Variants in DYM observed in about 807,000 individuals in gnomAD.
The protein encoded by DYM is dyggve-Melchior-Clausen syndrome protein.
A neutral mutation model predicts 93.1 loss-of-function variants in DYM; 78 were observed. The observed-to-expected ratio is 0.84, with a 90% CI of 0.70 to 1.01. The LOEUF (loss-of-function observed/expected upper bound fraction) is 1.01, where lower values mean the gene tolerates loss of function less well. DYM is among the 50% of genes least tolerant of loss of function. The pLI, the probability that DYM is intolerant of heterozygous loss-of-function variation, is 0.00. For missense variants in DYM, 789 were observed against 845.0 expected, an observed-to-expected ratio of 0.93 and a Z score of 0.82; for synonymous variants, 321 against 319.7, an observed-to-expected ratio of 1.00 and a Z score of -0.04.
chr18:49,149,739 G>A (rs925149152), intron 15 of DYM, among the ~76,000 whole-genome samples: 3 of 113,870 alleles, frequency 2.6e-5, no homozygotes, highest in African/African-American at 3.5e-5. Context: ...ATGGAATCTC[G>A]CTCTGTCACC....
At chr18:49,074,575 T>A (rs113534683) in intron 17 of DYM, among the ~76,000 whole-genome samples, 3,839 of 152,262 alleles carry the variant, frequency 0.025, 58 homozygotes, top group South Asian at 0.066. Context: ...TAAGCCAAAC[T>A]GGAAAAATCA....
chr18:49,374,659 A>T (rs1406138212), intron 5 of DYM, among the ~76,000 whole-genome samples: 2 of 152,172 alleles, frequency 1.3e-5, no homozygotes, highest in African/African-American at 4.8e-5. Context: ...GGTAGCTTCA[A>T]TAAAATTTGG....
At chr18:49,302,779 T>C (rs2061020727) in intron 8 of DYM, among the ~76,000 whole-genome samples, 1 of 152,202 alleles carries the variant, frequency 6.6e-6, no homozygotes, top group African/African-American at 2.4e-5. Flanking sequence ...CTTACTCACA[T>C]AACAGAATGC....
At chr18:49,284,500 A>C (rs900160409) in intron 9 of DYM, among the ~76,000 whole-genome samples, 2 of 152,182 alleles carry the variant, frequency 1.3e-5, no homozygotes, top group African/African-American at 2.4e-5. Flanking sequence ...AGTAGATACC[A>C]TATACTGAAT....
chr18:49,346,320 T>C (rs766888174), intron 6 of DYM, among the ~76,000 whole-genome samples: 2 of 152,184 alleles, frequency 1.3e-5, no homozygotes, highest in African/African-American at 2.4e-5. Context: ...TGGTACATAT[T>C]ATATAACATG....
chr18:49,318,634 G>A (rs1599387676), intron 8 of DYM, among the ~76,000 whole-genome samples: 1 of 151,800 alleles, frequency 6.6e-6, no homozygotes, highest in South Asian at 2.1e-4. Flanking sequence ...ACAAAAAAGA[G>A]AGAGAGAGAG....
intron 17 of DYM, among the ~76,000 whole-genome samples, chr18:49,080,105 CG>C (rs1227426790): frequency 4.7e-4 from 30 of 63,252 alleles, no homozygotes; most frequent in East Asian, 2.5e-3. Context: ...GCTGGCCGGG[CG>C]GGGGGCTGAC....
At chr18:49,336,143 T>C (rs1280418647) in intron 6 of DYM, among the ~76,000 whole-genome samples, 4 of 152,190 alleles carry the variant, frequency 2.6e-5, no homozygotes, top group African/African-American at 9.6e-5. Flanking sequence ...GCATCAATAA[T>C]AAAGAATCAG....
chr18:49,415,353 T>G (rs1301199506), intron 2 of DYM, among the ~76,000 whole-genome samples: 21 of 149,734 alleles, frequency 1.4e-4, no homozygotes, highest in Non-Finnish European at 2.2e-4. Flanking sequence ...TTAAAAAAAT[T>G]TTAAAAATGA....
chr18:49,216,574 G>T (rs1349396171), intron 13 of DYM, among the ~76,000 whole-genome samples: 1 of 152,170 alleles, frequency 6.6e-6, no homozygotes, highest in African/African-American at 2.4e-5. Flanking sequence ...GGAACGATCA[G>T]ACAGCAGCAT....
At chr18:49,201,397 C>G (rs886424001) in intron 14 of DYM, among the ~76,000 whole-genome samples, 2 of 151,902 alleles carry the variant, frequency 1.3e-5, no homozygotes, top group African/African-American at 4.8e-5. Context: ...ATGTGTTGGT[C>G]TATTACCTAA....
At chr18:49,099,203 A>T (rs2079869745) in intron 16 of DYM, among the ~76,000 whole-genome samples, 1 of 151,026 alleles carries the variant, frequency 6.6e-6, no homozygotes, top group South Asian at 2.1e-4. Context: ...GGCTTACTGA[A>T]TTTTTTTTTT....
At position 49,044,141 on chromosome 18, in the gene DYM, A is replaced by G; in HGVS notation, c.2089T>C (p.Tyr697His). The G allele has an allele frequency of 6.2e-7, 1 of 1,614,192 alleles. No homozygotes were observed. The highest frequency in any genetic ancestry group is 1.1e-5 in the South Asian group (1 of 91,088). ...GAGTTGTAGACAAGAGACCAGACAT[A>G]GGGGATAAAAAACTCCTCGGGCTGC... ...EEQPEEFFIP[Y>H]VWSLVYNSAV... The change falls in exon 18 of 18, where the codon TAT (tyrosine) becomes CAT (histidine). Residue 697 changes from tyrosine (Y) to histidine (H), a missense_variant. This residue lies in a region of DYM where 114 missense variants were observed against 105.8 expected (regional missense o/e 1.08). Coordinates refer to ENST00000675505, the MANE Select transcript of DYM (RefSeq NM_001353214.3).
chr18:49,257,971 ATCCAGC>A (rs1433186008), intron 12 of DYM, among the ~76,000 whole-genome samples: 1 of 152,186 alleles, frequency 6.6e-6, no homozygotes, highest in Non-Finnish European at 1.5e-5. Flanking sequence ...TGTGAAGAGA[ATCCAGC>A]AGAAATTTTT....
chr18:49,134,511 T>C (rs536608652), intron 15 of DYM, among the ~76,000 whole-genome samples: 41 of 152,334 alleles, frequency 2.7e-4, no homozygotes, highest in Non-Finnish European at 5.6e-4. Context: ...AATTAATACA[T>C]AAAACGAATG....
At chr18:49,082,167 C>T (rs899785326) in intron 17 of DYM, among the ~76,000 whole-genome samples, 2 of 152,254 alleles carry the variant, frequency 1.3e-5, no homozygotes, top group African/African-American at 4.8e-5. Context: ...CAAGAGTCTT[C>T]CATGTGAGGT....
intron 6 of DYM, among the ~76,000 whole-genome samples, chr18:49,352,307 G>C (rs1450270266): frequency 6.6e-6 from 1 of 152,156 alleles, no homozygotes; most frequent in Non-Finnish European, 1.5e-5. Flanking sequence ...GTACAATTTT[G>C]TGAATATACT....
chr18:49,234,919 A>T (rs1409536144), intron 13 of DYM, among the ~76,000 whole-genome samples: 1 of 152,200 alleles, frequency 6.6e-6, no homozygotes, highest in Non-Finnish European at 1.5e-5. Context: ...TGTAAGGACC[A>T]GAGAGAGGTT....
chr18:49,039,773 T>C lies in DYM; in HGVS notation c.*4282A>G, dbSNP rs952586634. On this transcript the variant is annotated 3_prime_UTR_variant, in exon 18 of 18. Coordinates refer to ENST00000675505, the MANE Select transcript of DYM (RefSeq NM_001353214.3). ...ACAGTTTCTAACTCTCTGTTGAAAT[T>C]CTTGACCATGCGTCTCATTTTTTTG... Among the ~76,000 whole-genome samples the C allele has an allele frequency of 1.3e-4, 20 of 152,262 alleles. No individual in the cohort carries two copies. The highest frequency in any genetic ancestry group is 4.8e-4 in the African/African-American group (20 of 41,472).
Sources: allele counts gnomAD v4.1 joint callset (sites outside exome capture counted in the v4.1 genomes callset), GRCh38; gene constraint gnomAD v4.1.1; regional missense constraint gnomAD v4.1.1; transcripts MANE v1.5; gene names NCBI Gene and HGNC (gene_info 2026-07-23, HGNC 2026-07-21).